Variants in EPHA6 observed in about 807,000 individuals in gnomAD.
The protein encoded by EPHA6 is ephrin type-A receptor 6.
EPHA6 carries 50 observed loss-of-function variants against 112.0 expected under a neutral mutation model. The ratio of observed to expected loss-of-function variants is 0.45; its 90% CI spans 0.36 to 0.56. EPHA6 has a LOEUF of 0.56. Ranked by LOEUF, EPHA6 falls within the 20% of genes least tolerant of loss-of-function variation. The pLI is 0.00. For synonymous variants in EPHA6, 529 were observed against 490.7 expected (o/e 1.08, Z -1.03); for missense variants, 1,280 against 1,417.4 (o/e 0.90, Z 1.56).
At chr3:97,407,283 A>C (rs1383019396) in intron 6 of EPHA6, among the ~76,000 whole-genome samples, 1 of 151,920 alleles carries the variant, frequency 6.6e-6, no homozygotes, top group Non-Finnish European at 1.5e-5. Context: ...ATATAGATAA[A>C]TTATCTTAAT....
intron 1 of EPHA6, among the ~76,000 whole-genome samples, chr3:96,862,490 A>G (rs961809591): frequency 1.3e-5 from 2 of 151,950 alleles, no homozygotes; most frequent in African/African-American, 4.8e-5. Flanking sequence ...ATATTGATAA[A>G]TCTTTGGACT....
chr3:97,128,883 T>TG (rs2048257766), intron 3 of EPHA6, among the ~76,000 whole-genome samples: 1 of 148,890 alleles, frequency 6.7e-6, no homozygotes, highest in African/African-American at 2.5e-5. Context: ...TTTTTTTTTT[T>TG]TTTTTTTTGA....
chr3:97,533,405 T>A (rs551151827), intron 11 of EPHA6, among the ~76,000 whole-genome samples: 1 of 152,250 alleles, frequency 6.6e-6, no homozygotes, highest in Non-Finnish European at 1.5e-5. Context: ...CAATTGACTC[T>A]GTGTCTGAAA....
intron 3 of EPHA6, among the ~76,000 whole-genome samples, chr3:97,091,146 A>G (rs2047053175): frequency 6.6e-6 from 1 of 152,092 alleles, no homozygotes; most frequent in South Asian, 2.1e-4. Flanking sequence ...AAATTACGTT[A>G]TGTGATTTCC....
chr3:97,659,208 AAAATCCCAGTAAAAAGATC>A (rs2094154639), intron 14 of EPHA6, among the ~76,000 whole-genome samples: 2 of 152,110 alleles, frequency 1.3e-5, no homozygotes, highest in African/African-American at 4.8e-5. Context: ...AATTAGAAAC[AAAATCCCAGTAAAAAGATC>A]AAATGTAAAA....
intron 2 of EPHA6, among the ~76,000 whole-genome samples, chr3:96,979,629 G>T (rs533905687): frequency 6.6e-5 from 10 of 152,306 alleles, no homozygotes; most frequent in Middle Eastern, 3.4e-3. Context: ...TCGCCACACT[G>T]TCTTCCACAA....
At chr3:97,545,723 G>T (rs2092935864) in intron 11 of EPHA6, among the ~76,000 whole-genome samples, 1 of 152,094 alleles carries the variant, frequency 6.6e-6, no homozygotes, top group Non-Finnish European at 1.5e-5. Context: ...GGTCACTAGG[G>T]ACTTGCTTTA....
chr3:97,503,589 T>C (rs1244943035), intron 10 of EPHA6, among the ~76,000 whole-genome samples: 4 of 152,174 alleles, frequency 2.6e-5, no homozygotes, highest in African/African-American at 7.2e-5. Flanking sequence ...AATCAACCTG[T>C]AATGATGAGA....
At chr3:97,502,851 A>AAT (rs1376292163) in intron 10 of EPHA6, among the ~76,000 whole-genome samples, 1 of 147,936 alleles carries the variant, frequency 6.8e-6, no homozygotes, top group African/African-American at 2.5e-5. Context: ...AAAAAAAAAA[A>AAT]AAAAAAAAAG....
In EPHA6 at chr3:97,583,525, C is replaced by G. The variant is rs189692739; in HGVS notation, c.2387-9087C>G. ...CTGCACTCCAGCCTGGGTGACAGAG[C>G]AAGACTCTGTCTCAAAAAAAAAAAA... On this transcript the variant is annotated intron_variant, in intron 11 of 17. Transcript: ENST00000389672. Among the ~76,000 whole-genome samples, 118 of 148,342 alleles carry G rather than the reference C, an allele frequency of 8.0e-4. 1 individual carries two copies. The highest frequency in any genetic ancestry group is 2.7e-3 in the African/African-American group (109 of 40,136).
chr3:97,719,707 G>C (rs1159522448), intron 14 of EPHA6, among the ~76,000 whole-genome samples: 2 of 152,100 alleles, frequency 1.3e-5, no homozygotes, highest in Non-Finnish European at 2.9e-5. Context: ...ATCCTTTCAA[G>C]GTGCGCTTAT....
At chr3:97,565,389 T>C (rs1474712416) in intron 11 of EPHA6, among the ~76,000 whole-genome samples, 2 of 152,172 alleles carry the variant, frequency 1.3e-5, no homozygotes, top group Non-Finnish European at 1.5e-5. Flanking sequence ...GTATGACAAA[T>C]TCTGAAGAAA....
chr3:97,179,717 G>GTCTCTCTCTCTCTCTC lies in EPHA6; in HGVS notation c.1115-46518_1115-46503dup, dbSNP rs71113852. 4.1e-3 allele frequency among the ~76,000 whole-genome samples: 493 copies of GTCTCTCTCTCTCTCTC among 119,144 alleles called. 21 individuals carry two copies. Among genetic ancestry groups the GTCTCTCTCTCTCTCTC allele is most frequent in the African/African-American group, 0.017 (457 of 26,148 alleles). 78.2% of individuals were successfully genotyped at this position (119,144 alleles called of 152,430 possible). ...TTTTACTTTCTGCCAAACCTACAGA[G>GTCTCTCTCTCTCTCTC]TCTCTCTCTCTCTCTCTCTCTCTCT... is the stretch of plus-strand genomic sequence containing the variant. On this transcript the variant is annotated intron_variant, in intron 3 of 17. Coordinates refer to ENST00000389672, the MANE Select transcript of EPHA6 (RefSeq NM_001080448.3).
At chr3:97,670,741 A>C (rs182537585) in intron 14 of EPHA6, among the ~76,000 whole-genome samples, 1 of 152,258 alleles carries the variant, frequency 6.6e-6, no homozygotes. Flanking sequence ...CAGGCAGCAT[A>C]GCACTCCACT....
chr3:97,180,375 C>A lies in EPHA6; in HGVS notation c.1115-45889C>A, dbSNP rs377166398. Among the ~76,000 whole-genome samples the A allele has an allele frequency of 1.1e-4, 17 of 152,078 alleles. No homozygotes were observed. The East Asian group carries it at 3.1e-3, about 28-fold the overall frequency. Reference sequence around the variant, plus strand: ...CCCCAGGAAATCACTTGGTGCTATACCCTGCCATGGTCATGCTGGTACCTA... The same window carrying A: ...CCCCAGGAAATCACTTGGTGCTATAACCTGCCATGGTCATGCTGGTACCTA... On this transcript the variant is annotated intron_variant, in intron 3 of 17. Transcript: ENST00000389672.
chr3:96,991,042 T>A (rs1310978924), intron 3 of EPHA6, among the ~76,000 whole-genome samples: 1 of 151,982 alleles, frequency 6.6e-6, no homozygotes, highest in East Asian at 1.9e-4. Context: ...CAGGCTGGAG[T>A]GCACTGGTGC....
At chr3:97,460,707 A>G (rs976412356) in intron 7 of EPHA6, among the ~76,000 whole-genome samples, 30 of 152,148 alleles carry the variant, frequency 2.0e-4, no homozygotes, top group African/African-American at 6.8e-4. Context: ...AATGTGATGT[A>G]CAAAGACCCA....
chr3:97,738,535 T>C lies in EPHA6; in HGVS notation c.3128+2417T>C, dbSNP rs554762707. Among the ~76,000 whole-genome samples, 10 of 152,174 alleles carry C rather than the reference T, an allele frequency of 6.6e-5. No homozygotes were observed. In the East Asian group the frequency reaches 1.9e-3, roughly 30 times the overall value. On this transcript the variant is annotated intron_variant, in intron 16 of 17. Coordinates refer to ENST00000389672, the MANE Select transcript of EPHA6 (RefSeq NM_001080448.3). ...GATCATCATATTTGGAAAATATTGA[T>C]GAAGAATGTAAGATGAGAAAGTGTC...
intron 11 of EPHA6, among the ~76,000 whole-genome samples, chr3:97,591,553 G>A (rs2093544641): frequency 6.7e-6 from 1 of 150,190 alleles, no homozygotes; most frequent in South Asian, 2.1e-4. Flanking sequence ...AACTTGTTTT[G>A]TTTTGTTTTG....
Sources: allele counts gnomAD v4.1 joint callset (sites outside exome capture counted in the v4.1 genomes callset), GRCh38; gene constraint gnomAD v4.1.1; transcripts MANE v1.5; gene names NCBI Gene and HGNC (gene_info 2026-07-23, HGNC 2026-07-21).